Variants in KCNQ3 observed in about 807,000 individuals in gnomAD.
The protein encoded by KCNQ3 is potassium voltage-gated channel subfamily KQT member 3.
In KCNQ3, 30 loss-of-function variants were observed where a neutral mutation model predicts 92.5. The ratio of observed to expected loss-of-function variants is 0.32; its 90% confidence interval spans 0.24 to 0.44. The LOEUF (loss-of-function observed/expected upper bound fraction) is 0.44, where lower values mean the gene tolerates loss of function less well. Among genes scored for constraint, KCNQ3 ranks in the 20% least tolerant of loss-of-function variants. The probability of loss-of-function intolerance (pLI) is 1.00; values close to 1 mark genes in which losing one functional copy is unlikely to be tolerated. For synonymous variants in KCNQ3, 450 were observed against 468.8 expected, an observed-to-expected ratio of 0.96 and a Z score of 0.52; for missense variants, 913 against 1,140.3, an observed-to-expected ratio of 0.80 and a Z score of 2.87.
chr8:132,342,715 C>T (rs1384850373), intron 1 of KCNQ3, among the ~76,000 whole-genome samples: 1 of 152,214 alleles, frequency 6.6e-6, no homozygotes, highest in Non-Finnish European at 1.5e-5. Flanking sequence ...GAAATACTTG[C>T]TAATCCCTGT....
intron 1 of KCNQ3, among the ~76,000 whole-genome samples, chr8:132,427,527 TG>T (rs1821142127): frequency 6.6e-6 from 1 of 152,248 alleles, no homozygotes; most frequent in African/African-American, 2.4e-5. Flanking sequence ...CTACCAGGTC[TG>T]ACCCCAAAGA....
chr8:132,286,016 T>G (rs2130541792), intron 1 of KCNQ3, among the ~76,000 whole-genome samples: 1 of 152,274 alleles, frequency 6.6e-6, no homozygotes, highest in South Asian at 2.1e-4. Context: ...GTGTGCAGAA[T>G]GTAAGAGTTA....
chr8:132,384,596 C>CTATACACAA (rs1189349053), intron 1 of KCNQ3, among the ~76,000 whole-genome samples: 1 of 152,172 alleles, frequency 6.6e-6, no homozygotes, highest in South Asian at 2.1e-4. Flanking sequence ...TACCTGTCAG[C>CTATACACAA]TGGTCATTCA....
At chr8:132,145,580 G>T (rs1259225896) in intron 9 of KCNQ3, among the ~76,000 whole-genome samples, 1 of 152,180 alleles carries the variant, frequency 6.6e-6, no homozygotes, top group African/African-American at 2.4e-5. Context: ...ACATACATTG[G>T]TGATTAAAAC....
chr8:132,140,938 A>C, intron 10 of KCNQ3, 191 bp downstream of exon 10: 1 of 621,530 alleles, frequency 1.6e-6, no homozygotes, highest in East Asian at 2.8e-5. Flanking sequence ...ACTCCTGGGA[A>C]TACATCACAA....
intron 1 of KCNQ3, among the ~76,000 whole-genome samples, chr8:132,210,050 A>C (rs553754070): frequency 2.0e-5 from 3 of 152,300 alleles, no homozygotes; most frequent in South Asian, 4.1e-4. Context: ...TGGGCATCAC[A>C]ATGTCCTGGA....
chr8:132,141,819 C>A (rs57279492), intron 9 of KCNQ3, among the ~76,000 whole-genome samples: 4,391 of 152,240 alleles, frequency 0.029, 206 homozygotes, highest in African/African-American at 0.1. Context: ...CACAAACAGA[C>A]CCTCATGGAT....
At chr8:132,454,626 C>A (rs902657660) in intron 1 of KCNQ3, among the ~76,000 whole-genome samples, 2 of 152,054 alleles carry the variant, frequency 1.3e-5, no homozygotes, top group Non-Finnish European at 2.9e-5. Context: ...GTGCCTGATA[C>A]CCACACTGTC....
At chr8:132,260,444 T>C (rs1304737819) in intron 1 of KCNQ3, among the ~76,000 whole-genome samples, 7 of 152,144 alleles carry the variant, frequency 4.6e-5, no homozygotes, top group African/African-American at 1.7e-4. Flanking sequence ...GGAGCTTACA[T>C]TCCAGTGGGG....
chr8:132,225,782 G>T (rs1814393540), intron 1 of KCNQ3, among the ~76,000 whole-genome samples: 1 of 152,194 alleles, frequency 6.6e-6, no homozygotes, highest in Non-Finnish European at 1.5e-5. Context: ...CAGGCTAACA[G>T]CCTCCAGGAC....
intron 1 of KCNQ3, among the ~76,000 whole-genome samples, chr8:132,268,268 C>CT (rs371644986): frequency 2.6e-5 from 4 of 152,006 alleles, no homozygotes; most frequent in African/African-American, 9.7e-5. Flanking sequence ...TGTGATAGCT[C>CT]TTTTTTGTTT....
intron 9 of KCNQ3, among the ~76,000 whole-genome samples, chr8:132,144,220 G>A (rs2469518): frequency 0.52 from 79,203 of 152,140 alleles, 20,902 homozygotes; most frequent in African/African-American, 0.58. Flanking sequence ...ATCCAGATGC[G>A]TGGAACAAAG....
chr8:132,239,161 T>A (rs563336301), intron 1 of KCNQ3, among the ~76,000 whole-genome samples: 1 of 152,286 alleles, frequency 6.6e-6, no homozygotes, highest in South Asian at 2.1e-4. Context: ...AACTCTGAAA[T>A]GAAGCTAGGC....
At position 132,129,200 on chromosome 8, in the gene KCNQ3, AGAGT is replaced by A; in HGVS notation, c.*58_*61del. The A allele has an allele frequency of 6.3e-7, 1 of 1,580,180 alleles. No homozygotes were observed. Among genetic ancestry groups the A allele is most frequent in the Non-Finnish European group, 8.6e-7 (1 of 1,163,378 alleles). Reference sequence around the variant, plus strand: ...TCCCCGCTGGTAAGCGTCGGGTGTAAGAGTAAGTGAACTATACAAAGTCTGTCTA... The same window carrying A: ...TCCCCGCTGGTAAGCGTCGGGTGTAAAAGTGAACTATACAAAGTCTGTCTA... On this transcript the variant is annotated 3_prime_UTR_variant, in exon 15 of 15. Coordinates refer to ENST00000388996, the MANE Select transcript of KCNQ3 (RefSeq NM_004519.4). The surrounding 1 kb of genome is among the most constrained non-coding windows in gnomAD (Gnocchi z 5.9).
intron 5 of KCNQ3, among the ~76,000 whole-genome samples, chr8:132,174,713 T>C (rs1826489226): frequency 6.6e-6 from 1 of 152,352 alleles, no homozygotes; most frequent in South Asian, 2.1e-4. Context: ...TATGTGTGTA[T>C]GTCTAATGTC....
At position 132,459,736 on chromosome 8, in the gene KCNQ3, G is replaced by GTT. The variant is rs113862022; in HGVS notation, c.386+20409_386+20410dup. Among the ~76,000 whole-genome samples the GTT allele has an allele frequency of 6.0e-5, 8 of 133,576 alleles. No individual in the cohort carries two copies. In the South Asian group the frequency reaches 9.7e-4, roughly 16 times the overall value. The allele number at this position is 133,576 out of a possible 152,430, so 87.6% of individuals were successfully genotyped here. A position where few individuals can be genotyped will look rare whatever the true frequency, so the allele number is the denominator to read the frequency against. On this transcript the variant is annotated intron_variant, in intron 1 of 14. Transcript: ENST00000388996. ...TCCATTATAAAGTTTTCTTTTTCTT[G>GTT]TTTTTTTTTTTTTTTAATTCCCTTT... is the stretch of plus-strand genomic sequence containing the variant.
intron 1 of KCNQ3, among the ~76,000 whole-genome samples, chr8:132,275,334 A>T (rs1424291450): frequency 6.6e-6 from 1 of 152,230 alleles, no homozygotes; most frequent in African/African-American, 2.4e-5. Context: ...TTATTTAAAG[A>T]TTATTTACAT....
chr8:132,133,581 C>G (rs1014865654), intron 13 of KCNQ3, among the ~76,000 whole-genome samples: 1 of 152,056 alleles, frequency 6.6e-6, no homozygotes, highest in Non-Finnish European at 1.5e-5. Context: ...GTCTCGAGCT[C>G]CTGACCTCAT....
intron 1 of KCNQ3, among the ~76,000 whole-genome samples, chr8:132,461,449 TA>T (rs1345777802): frequency 2.6e-5 from 4 of 152,046 alleles, no homozygotes; most frequent in Non-Finnish European, 4.4e-5. Flanking sequence ...CCTGTAATCC[TA>T]GCTACTCAGG....
Sources: allele counts gnomAD v4.1 joint callset (sites outside exome capture counted in the v4.1 genomes callset), GRCh38; gene constraint gnomAD v4.1.1; non-coding constraint Gnocchi (gnomAD v3.1); transcripts MANE v1.5; gene names NCBI Gene and HGNC (gene_info 2026-07-23, HGNC 2026-07-21).